The following TAS1R3 variants were observed in gnomAD, a reference collection of about 807,000 sequenced individuals.
TAS1R3 encodes taste receptor type 1 member 3.
Under a neutral mutation model 46.1 loss-of-function variants are expected in TAS1R3, and 58 were observed. That is an observed-to-expected ratio of 1.26 (90% confidence interval 1.02 to 1.57). TAS1R3 has a LOEUF of 1.57. Ranked by LOEUF, TAS1R3 falls within the 40% of genes most tolerant of loss-of-function variation. The probability of loss-of-function intolerance (pLI) is 0.00; values close to 1 mark genes in which losing one functional copy is unlikely to be tolerated. For missense variants in TAS1R3, 1,422 were observed against 1,185.8 expected (o/e 1.20, Z -2.93); for synonymous variants, 724 against 544.7 (o/e 1.33, Z -4.58).
Position 1,333,752 on chromosome 1 carries a change from T to C in TAS1R3, c.1847T>C (p.Leu616Pro), listed in dbSNP as rs1409703142. The stretch of plus-strand genomic sequence containing the variant: ...TGCTTTGGCCTGGTGTGCCTGGGCC[T>C]GGTCTGCCTCAGCGTCCTCCTGTTC... ...LACFGLVCLG[L>P]VCLSVLLFPG... Residue 616 changes from leucine to proline, a missense_variant, in exon 6 of 6, where the codon CTG becomes CCG. Coordinates refer to ENST00000339381, the MANE Select transcript of TAS1R3 (RefSeq NM_152228.3). 2.5e-6 allele frequency: 4 copies of C among 1,600,040 alleles called. No individual in the cohort carries two copies. Among genetic ancestry groups the C allele is most frequent in the Non-Finnish European group, 3.4e-6 (4 of 1,175,662 alleles).
rs1643443383 is a variant in TAS1R3, at chr1:1,332,169, G to T, written c.638G>T (p.Gly213Val). ...EFGWNWVAALGSDDEYGRQGL... is the reference protein window; with the variant it reads ...EFGWNWVAALVSDDEYGRQGL... Reference sequence around the variant, plus strand: ...GGCTGGAACTGGGTGGCCGCCCTGGGCAGCGACGACGAGTACGGCCGGCAG... The same window carrying T: ...GGCTGGAACTGGGTGGCCGCCCTGGTCAGCGACGACGAGTACGGCCGGCAG... The change falls in exon 3 of 6, where the codon GGC becomes GTC. Residue 213 changes from glycine to valine, a missense_variant. Transcript: ENST00000339381. 1 of 1,597,516 alleles carries T rather than the reference G, an allele frequency of 6.3e-7. No homozygotes were observed. Among genetic ancestry groups the T allele is most frequent in the Non-Finnish European group, 8.5e-7 (1 of 1,178,766 alleles).
chr1:1,333,815 A>G lies in TAS1R3; in HGVS notation c.1910A>G (p.Gln637Arg), dbSNP rs1421454245. The change falls in exon 6 of 6, where the codon CAG (glutamine) becomes CGG (arginine). Residue 637 changes from glutamine (Q) to arginine (R), a missense_variant. By Grantham distance (43) the Gln-to-Arg change is conservative. Coordinates refer to ENST00000339381, the MANE Select transcript of TAS1R3 (RefSeq NM_152228.3). Reference protein sequence around the residue: ...QPSPARCLAQQPLSHLPLTGC... With the variant: ...QPSPARCLAQRPLSHLPLTGC... ...AGCCCTGCCCGATGCCTGGCCCAGC[A>G]GCCCTTGTCCCACCTCCCGCTCACG... 6.3e-7 allele frequency: 1 copy of G among 1,598,724 alleles called. No individual in the cohort carries two copies. The highest frequency in any genetic ancestry group is 8.5e-7 in the Non-Finnish European group (1 of 1,178,418).
Position 1,333,579 on chromosome 1 carries a change from G to C in TAS1R3, c.1674G>C (p.Arg558Ser). 1 of 1,607,116 alleles carries C rather than the reference G, an allele frequency of 6.2e-7. No homozygotes were observed. The highest frequency in any genetic ancestry group is 8.5e-7 in the Non-Finnish European group (1 of 1,179,910). Residue 558 changes from arginine (R) to serine (S), a missense_variant, in exon 6 of 6, where the codon AGG becomes AGC. Arg to Ser is a moderately radical substitution (Grantham distance 110). Coordinates refer to ENST00000339381, the MANE Select transcript of TAS1R3 (RefSeq NM_152228.3). ...PERSTRCFRR[R>S]SRFLAWGEPA... ...GAAGCACACGCTGCTTCCGCCGCAG[G>C]TCTCGGTTCCTGGCATGGGGCGAGC...
Position 1,332,785 on chromosome 1 carries a change from G to A in TAS1R3, c.1254G>A (p.Gln418=), listed in dbSNP as rs1242184258. The A allele has an allele frequency of 2.5e-6, 4 of 1,605,494 alleles. No homozygotes were observed. Among genetic ancestry groups the A allele is most frequent in the Admixed American group, 1.7e-5 (1 of 59,920 alleles). ...LQCNASGCPA[Q]DPVKPWQLLE... ...GCAACGCCTCAGGCTGCCCCGCGCA[G>A]GACCCCGTGAAGCCCTGGCAGGTGA... Residue 418 remains glutamine (Q), a synonymous_variant, in exon 3 of 6, where the codon CAG becomes CAA. Coordinates refer to ENST00000339381, the MANE Select transcript of TAS1R3 (RefSeq NM_152228.3).
At position 1,334,409 on chromosome 1, in the gene TAS1R3, G is replaced by T; in HGVS notation, c.2504G>T (p.Gly835Val). 1 of 1,605,282 alleles carries T rather than the reference G, an allele frequency of 6.2e-7. No homozygotes were observed. The highest frequency in any genetic ancestry group is 8.5e-7 in the Non-Finnish European group (1 of 1,175,716). ...GAGTTCTTCCTGGGAGGGGGCCCTG[G>T]GGATGCCCAAGGCCAGAATGACGGG... ...TPEFFLGGGPGDAQGQNDGNT... is the reference protein window; with the variant it reads ...TPEFFLGGGPVDAQGQNDGNT... Residue 835 changes from glycine (G) to valine (V), a missense_variant, in exon 6 of 6, where the codon GGG (glycine) becomes GTG (valine). Physicochemically the swap from Gly to Val is moderately radical, Grantham distance 109 (BLOSUM62 -3). Coordinates refer to ENST00000339381, the MANE Select transcript of TAS1R3 (RefSeq NM_152228.3).
In TAS1R3 at chr1:1,333,127, G is replaced by A. The variant is rs1643469321; in HGVS notation, c.1479+3G>A. On this transcript the variant is annotated splice_donor_region_variant and intron_variant, in intron 4 of 5. Transcript: ENST00000339381. ...GCTGGCACACGTCTGACAACCAGGT[G>A]AGGTGAGGGTGGGTGTGCCAGGCGT... 1 of 1,609,968 alleles carries A rather than the reference G, an allele frequency of 6.2e-7. No individual in the cohort carries two copies. The highest frequency in any genetic ancestry group is 8.5e-7 in the Non-Finnish European group (1 of 1,179,014).
rs758026816 is a variant in TAS1R3, at chr1:1,333,739, G to C, written c.1834G>C (p.Val612Leu). Reference sequence around the variant, plus strand: ...GGGGCCCCTGGCCTGCTTTGGCCTGGTGTGCCTGGGCCTGGTCTGCCTCAG... The same window carrying C: ...GGGGCCCCTGGCCTGCTTTGGCCTGCTGTGCCTGGGCCTGGTCTGCCTCAG... ...SGGPLACFGL[V>L]CLGLVCLSVL... The change falls in exon 6 of 6, where the codon GTG becomes CTG. Residue 612 changes from valine (V) to leucine (L), a missense_variant. Physicochemically the swap from Val to Leu is conservative, Grantham distance 32. Transcript: ENST00000339381. 2 of 1,603,428 alleles carry C rather than the reference G, an allele frequency of 1.2e-6. No homozygotes were observed. Among genetic ancestry groups the C allele is most frequent in the Non-Finnish European group, 1.7e-6 (2 of 1,176,904 alleles).
chr1:1,331,812 C>T lies in TAS1R3; in HGVS notation c.366C>T (p.Ser122=). ...TCATGTTCCTGGCCAAGGCAGGCAG[C>T]CGCGACATCGCCGCCTACTGCAACT... ...PSLMFLAKAG[S]RDIAAYCNYT... is the part of the protein sequence containing the mutation. Residue 122 remains serine (S), a synonymous_variant, in exon 2 of 6, where the codon AGC becomes AGT. Coordinates refer to ENST00000339381, the MANE Select transcript of TAS1R3 (RefSeq NM_152228.3). The T allele has an allele frequency of 6.2e-7, 1 of 1,612,820 alleles. No homozygotes were observed. The highest frequency in any genetic ancestry group is 2.2e-5 in the East Asian group (1 of 44,880).
rs1353597692 is a variant in TAS1R3, at chr1:1,331,777, A to C, written c.331A>C (p.Lys111Gln). 2.1e-5 allele frequency: 34 copies of C among 1,612,800 alleles called. No homozygotes were observed. Among genetic ancestry groups the C allele is most frequent in the Non-Finnish European group, 2.9e-5 (34 of 1,180,026 alleles). ...GTGCTCGGAGCCTGTGGTGGCCATG[A>C]AGCCCAGCCTCATGTTCCTGGCCAA... ...DTCSEPVVAM[K>Q]PSLMFLAKAG... The change falls in exon 2 of 6, where the codon AAG becomes CAG. Residue 111 changes from lysine (K) to glutamine (Q), a missense_variant. Coordinates refer to ENST00000339381, the MANE Select transcript of TAS1R3 (RefSeq NM_152228.3).
chr1:1,331,582 T>A (rs756387549), intron 1 of TAS1R3, 46 bp downstream of exon 1: 22 of 1,603,834 alleles, frequency 1.4e-5, no homozygotes, highest in Non-Finnish European at 1.8e-5. Flanking sequence ...TGACCAGGTC[T>A]GGGGTGCTCC....
rs1557658406 is a variant in TAS1R3 at position 1,333,786 on chromosome 1, G to GCC, written c.1883_1884dup (p.Ser629ProfsTer21). 6.3e-7 allele frequency: 1 copy of GCC among 1,592,786 alleles called. No individual in the cohort carries two copies. Among genetic ancestry groups the GCC allele is most frequent in the East Asian group, 2.3e-5 (1 of 44,278 alleles). ...TCAGCGTCCTCCTGTTCCCTGGCCA[G>GCC]CCCAGCCCTGCCCGATGCCTGGCCC... On this transcript the variant is annotated frameshift_variant, in exon 6 of 6. Transcript: ENST00000339381. LOFTEE classifies it low-confidence loss of function (END_TRUNC).
At chr1:1,332,836 C>G in intron 3 of TAS1R3, 30 bp downstream of exon 3, 1 of 1,593,460 alleles carries the variant, frequency 6.3e-7, no homozygotes, top group Non-Finnish European at 8.6e-7. Context: ...GTGTGCTGTC[C>G]TCTGCATGTG....
Position 1,331,697 on chromosome 1 carries a change from ACAACAAGTCGG to A in TAS1R3, c.252_262del (p.Asn84LysfsTer14). On this transcript the variant is annotated frameshift_variant, in exon 2 of 6. Coordinates refer to ENST00000339381, the MANE Select transcript of TAS1R3 (RefSeq NM_152228.3). LOFTEE classifies it high-confidence loss of function. ...ATGAAAATGGCCGTGGAGGAGATCA[ACAACAAGTCGG>A]ATCTGCTGCCCGGGCTGCGCCTGGG... 6.2e-7 allele frequency: 1 copy of A among 1,612,640 alleles called. No homozygotes were observed.
rs138109245 is a variant in TAS1R3, at chr1:1,332,672, G to A, written c.1141G>A (p.Val381Met). Reference sequence around the variant, plus strand: ...GTGTGACTGCATCACGCTGCAGAACGTGAGCGCAGGGCTAAATCACCACCA... The same window carrying A: ...GTGTGACTGCATCACGCTGCAGAACATGAGCGCAGGGCTAAATCACCACCA... ...PQCDCITLQN[V>M]SAGLNHHQTF... Residue 381 changes from valine to methionine, a missense_variant, in exon 3 of 6, where the codon GTG (valine) becomes ATG (methionine). Coordinates refer to ENST00000339381, the MANE Select transcript of TAS1R3 (RefSeq NM_152228.3). The A allele has an allele frequency of 2.2e-5, 35 of 1,605,786 alleles. No individual in the cohort carries two copies. Among genetic ancestry groups the A allele is most frequent in the Admixed American group, 1.8e-4 (11 of 59,866 alleles).
chr1:1,333,728 G>A lies in TAS1R3; in HGVS notation c.1823G>A (p.Cys608Tyr), dbSNP rs1197946748. The change falls in exon 6 of 6, where the codon TGC (cysteine) becomes TAC (tyrosine). Residue 608 changes from cysteine (C) to tyrosine (Y), a missense_variant. Physicochemically the swap from Cys to Tyr is radical, Grantham distance 194. Transcript: ENST00000339381. Reference protein sequence around the residue: ...LVQASGGPLACFGLVCLGLVC... With the variant: ...LVQASGGPLAYFGLVCLGLVC... Reference sequence around the variant, plus strand: ...CAGGCCTCGGGGGGGCCCCTGGCCTGCTTTGGCCTGGTGTGCCTGGGCCTG... The same window carrying A: ...CAGGCCTCGGGGGGGCCCCTGGCCTACTTTGGCCTGGTGTGCCTGGGCCTG... The A allele has an allele frequency of 3.1e-6, 5 of 1,605,938 alleles. No individual in the cohort carries two copies. Among genetic ancestry groups the A allele is most frequent in the African/African-American group, 1.3e-5 (1 of 74,892 alleles).
At position 1,333,802 on chromosome 1, in the gene TAS1R3, T is replaced by A; in HGVS notation, c.1897T>A (p.Cys633Ser). ...CCCTGGCCAGCCCAGCCCTGCCCGA[T>A]GCCTGGCCCAGCAGCCCTTGTCCCA... ...LFPGQPSPAR[C>S]LAQQPLSHLP... is the part of the protein sequence containing the mutation. Residue 633 changes from cysteine (C) to serine (S), a missense_variant, in exon 6 of 6, where the codon TGC (cysteine) becomes AGC (serine). By Grantham distance (112) the Cys-to-Ser change is moderately radical. Transcript: ENST00000339381. The A allele has an allele frequency of 6.3e-7, 1 of 1,596,514 alleles. No individual in the cohort carries two copies. Among genetic ancestry groups the A allele is most frequent in the Non-Finnish European group, 8.5e-7 (1 of 1,176,740 alleles).
chr1:1,333,274 T>A lies in TAS1R3; in HGVS notation c.1495T>A (p.Cys499Ser). 1 of 1,597,442 alleles carries A rather than the reference T, an allele frequency of 6.3e-7. No homozygotes were observed. Among genetic ancestry groups the A allele is most frequent in the Non-Finnish European group, 8.5e-7 (1 of 1,173,588 alleles). The change falls in exon 5 of 6, where the codon TGC (cysteine) becomes AGC (serine). Residue 499 changes from cysteine (C) to serine (S), a missense_variant. Transcript: ENST00000339381. ...TSDNQKPVSR[C>S]SRQCQEGQVR... Reference sequence around the variant, plus strand: ...CTGTGCGCAGAAGCCCGTGTCCCGGTGCTCGCGGCAGTGCCAGGAGGGCCA... The same window carrying A: ...CTGTGCGCAGAAGCCCGTGTCCCGGAGCTCGCGGCAGTGCCAGGAGGGCCA...
rs755606520 is a variant in TAS1R3 at position 1,333,304 on chromosome 1, C to T, written c.1525C>T (p.Arg509Cys). The change falls in exon 5 of 6, where the codon CGC becomes TGC. Residue 509 changes from arginine (R) to cysteine (C), a missense_variant. Coordinates refer to ENST00000339381, the MANE Select transcript of TAS1R3 (RefSeq NM_152228.3). Reference sequence around the variant, plus strand: ...GCGGCAGTGCCAGGAGGGCCAGGTGCGCCGGGTCAAGGGGTTCCACTCCTG... The same window carrying T: ...GCGGCAGTGCCAGGAGGGCCAGGTGTGCCGGGTCAAGGGGTTCCACTCCTG... ...CSRQCQEGQV[R>C]RVKGFHSCCY... 3.5e-5 allele frequency: 56 copies of T among 1,599,028 alleles called. No individual in the cohort carries two copies. The highest frequency in any genetic ancestry group is 1.2e-4 in the African/African-American group (9 of 74,798).
chr1:1,333,871 G>A lies in TAS1R3; in HGVS notation c.1966G>A (p.Ala656Thr), dbSNP rs1352997766. The change falls in exon 6 of 6, where the codon GCC becomes ACC. Residue 656 changes from alanine to threonine, a missense_variant. Physicochemically the swap from Ala to Thr is moderately conservative, Grantham distance 58. Transcript: ENST00000339381. ...CCTGAGCACACTCTTCCTGCAGGCG[G>A]CCGAGATCTTCGTGGAGTCAGAACT... is the stretch of plus-strand genomic sequence containing the variant. ...GCLSTLFLQA[A>T]EIFVESELPL... 7 of 1,600,234 alleles carry A rather than the reference G, an allele frequency of 4.4e-6. No individual in the cohort carries two copies. Among genetic ancestry groups the A allele is most frequent in the Admixed American group, 1.7e-5 (1 of 59,974 alleles).
Sources: allele counts gnomAD v4.1 joint callset, GRCh38; gene constraint gnomAD v4.1.1; transcripts MANE v1.5; gene names NCBI Gene and HGNC (gene_info 2026-07-23, HGNC 2026-07-21).